Variants in ANKRD17 observed in about 807,000 individuals in gnomAD.
The protein encoded by ANKRD17 is ankyrin repeat domain-containing protein 17.
Under a neutral mutation model 229.7 loss-of-function variants are expected in ANKRD17, and 19 were observed. The observed-to-expected ratio is 0.08, with a 90% CI of 0.06 to 0.12. ANKRD17 has a LOEUF of 0.12. Among genes scored for constraint, ANKRD17 ranks in the 10% least tolerant of loss-of-function variants. The probability of loss-of-function intolerance (pLI) is 1.00; values close to 1 mark genes in which losing one functional copy is unlikely to be tolerated. For synonymous variants in ANKRD17, 1,112 were observed against 1,146.1 expected, an observed-to-expected ratio of 0.97 and a Z score of 0.60; for missense variants, 2,176 against 3,176.8, an observed-to-expected ratio of 0.68 and a Z score of 7.57.
chr4:73,177,412 T>C lies in ANKRD17; in HGVS notation c.515A>G (p.Gln172Arg). ...ADLRTVDPET[Q>R]ARLEALLEAA... is the part of the protein sequence containing the mutation. ...TTCTAGTAAAGCTTCCAGTCTAGCC[T>C]GTGTTTCTGGATCTACTGTCCTGAG... Residue 172 changes from glutamine to arginine, a missense_variant, in exon 2 of 34, where the codon CAG becomes CGG. Gln to Arg is a conservative substitution (Grantham distance 43). Transcript: ENST00000358602. 1 of 1,612,162 alleles carries C rather than the reference T, an allele frequency of 6.2e-7. No individual in the cohort carries two copies. Among genetic ancestry groups the C allele is most frequent in the Non-Finnish European group, 8.5e-7 (1 of 1,178,634 alleles).
rs1328457541 is a variant in ANKRD17 at position 73,097,193 on chromosome 4, G to A, written c.5101C>T (p.Pro1701Ser). ...TKSGPSPLSS[P>S]NGKLTVASPK... ...CTTGCTACTGTTAACTTCCCATTTG[G>A]AGAAGAAAGGGGAGATGGACCAGAT... Residue 1701 changes from proline (P) to serine (S), a missense_variant, in exon 27 of 34, where the codon CCA becomes TCA. By Grantham distance (74) the Pro-to-Ser change is moderately conservative (BLOSUM62 -1). This residue lies in a region of ANKRD17 where 98 missense variants were observed against 101.0 expected (regional missense o/e 0.97). Coordinates refer to ENST00000358602, the MANE Select transcript of ANKRD17 (RefSeq NM_032217.5). 6.2e-7 allele frequency: 1 copy of A among 1,612,260 alleles called. No homozygotes were observed.
chr4:73,229,506 A>C (rs1247220526), intron 1 of ANKRD17, among the ~76,000 whole-genome samples: 1 of 152,044 alleles, frequency 6.6e-6, no homozygotes, highest in Non-Finnish European at 1.5e-5. Flanking sequence ...CACAAATCAA[A>C]GTTACACCTC....
At chr4:73,123,162 T>C (rs982577685) in intron 18 of ANKRD17, among the ~76,000 whole-genome samples, 1 of 152,028 alleles carries the variant, frequency 6.6e-6, no homozygotes, top group African/African-American at 2.4e-5. Flanking sequence ...TACTTTTAAA[T>C]AAAGAAAATC....
chr4:73,132,747 T>C (rs1363639016), intron 16 of ANKRD17, among the ~76,000 whole-genome samples: 2 of 152,152 alleles, frequency 1.3e-5, no homozygotes, highest in African/African-American at 2.4e-5. Context: ...ATGGTGATAG[T>C]TGGTGAGTGG....
At chr4:73,108,415 A>G (rs1315510976) in intron 24 of ANKRD17, among the ~76,000 whole-genome samples, 2 of 152,232 alleles carry the variant, frequency 1.3e-5, no homozygotes, top group African/African-American at 4.8e-5. Context: ...AGGGGGCAGG[A>G]TAAGACCACC....
chr4:73,097,995 CTT>C lies in ANKRD17; in HGVS notation c.5021+76_5021+77del, dbSNP rs1723509868. 1.1e-5 allele frequency: 15 copies of C among 1,399,524 alleles called. 1 individual carries two copies. In the South Asian group the frequency reaches 2.2e-4, roughly 21 times the overall value. The allele number at this position is 1,399,524 out of a possible 1,614,324, so 86.7% of individuals were successfully genotyped here. A position where few individuals can be genotyped will look rare whatever the true frequency, so the allele number is the denominator to read the frequency against. On this transcript the variant is annotated intron_variant, in intron 26 of 33. Transcript: ENST00000358602. ...TCCTATTTTGCAAGTTGCAAATTTACTTTCTTTACCAACAAATTCAGTAATAA... is the reference window on the plus strand; with the variant it reads ...TCCTATTTTGCAAGTTGCAAATTTACTCTTTACCAACAAATTCAGTAATAA...
chr4:73,246,130 G>A (rs1183104104), intron 1 of ANKRD17, among the ~76,000 whole-genome samples: 1 of 152,188 alleles, frequency 6.6e-6, no homozygotes, highest in Non-Finnish European at 1.5e-5. Flanking sequence ...ACAGACAGCA[G>A]TGAAAAGAGC....
At chr4:73,233,323 A>C (rs1271760161) in intron 1 of ANKRD17, among the ~76,000 whole-genome samples, 2 of 152,084 alleles carry the variant, frequency 1.3e-5, no homozygotes, top group African/African-American at 4.8e-5. Flanking sequence ...TATAGATATT[A>C]TTTTTATATT....
intron 25 of ANKRD17, chr4:73,099,213 C>T (rs1275569237): frequency 1.1e-5 from 7 of 610,652 alleles, no homozygotes; most frequent in Admixed American, 8.9e-5. Context: ...TTTTGCTCCG[C>T]TCCCACCGCC....
intron 24 of ANKRD17, 169 bp from the exon 25 acceptor site, chr4:73,102,716 T>C (rs998613162): frequency 9.3e-6 from 6 of 646,530 alleles, no homozygotes; most frequent in African/African-American, 5.8e-5. Context: ...AAAGAGACAA[T>C]ATTTTTACAA....
chr4:73,144,944 A>G, intron 10 of ANKRD17, 112 bp from the exon 11 acceptor site: 2 of 629,126 alleles, frequency 3.2e-6, no homozygotes, highest in East Asian at 6.1e-5. Flanking sequence ...CTAAATATTT[A>G]AATATAATGC....
Position 73,135,182 on chromosome 4 carries a change from G to T in ANKRD17, c.3169C>A (p.Pro1057Thr), listed in dbSNP as rs903315309. 3.1e-6 allele frequency: 5 copies of T among 1,613,712 alleles called. No homozygotes were observed. In the African/African-American group the frequency reaches 6.7e-5, roughly 22 times the overall value. Residue 1057 changes from proline to threonine, a missense_variant, in exon 16 of 34, where the codon CCA becomes ACA. Pro to Thr is a conservative substitution (Grantham distance 38). This residue lies in a region of ANKRD17 where 230 missense variants were observed against 252.3 expected (regional missense o/e 0.91). Transcript: ENST00000358602. ...ASISQPQTPT[P>T]SPIISPSAML... ...GCTGAAGGAGAGATGATAGGACTTGGAGTTGGAGTCTGAGGTTGGGAAATG... is the reference window on the plus strand; with the variant it reads ...GCTGAAGGAGAGATGATAGGACTTGTAGTTGGAGTCTGAGGTTGGGAAATG...
chr4:73,174,218 C>A (rs1197430516), intron 2 of ANKRD17, among the ~76,000 whole-genome samples: 1 of 151,840 alleles, frequency 6.6e-6, no homozygotes, highest in Admixed American at 6.6e-5. Context: ...AACAGCATAG[C>A]AAAAAGATAA....
chr4:73,230,287 G>C (rs1742916899), intron 1 of ANKRD17, among the ~76,000 whole-genome samples: 1 of 151,852 alleles, frequency 6.6e-6, no homozygotes, highest in African/African-American at 2.4e-5. Context: ...TGGTAGGGAG[G>C]GTATGTACTA....
intron 1 of ANKRD17, among the ~76,000 whole-genome samples, chr4:73,253,408 T>C (rs1745197972): frequency 6.6e-6 from 1 of 152,202 alleles, no homozygotes; most frequent in South Asian, 2.1e-4. Context: ...GAAAGAAATA[T>C]AGCAGCACCT....
chr4:73,209,414 G>C (rs1185934327), intron 1 of ANKRD17, among the ~76,000 whole-genome samples: 1 of 152,012 alleles, frequency 6.6e-6, no homozygotes, highest in East Asian at 1.9e-4. Flanking sequence ...GACTGAAATT[G>C]ACAAAGTCCT....
intron 24 of ANKRD17, chr4:73,113,349 A>C (rs1225939339): frequency 7.8e-7 from 1 of 1,289,544 alleles, no homozygotes. Flanking sequence ...ACCCATTTAA[A>C]AAGTGTACTC....
chr4:73,174,407 C>G (rs558278452), intron 2 of ANKRD17, among the ~76,000 whole-genome samples: 5 of 152,006 alleles, frequency 3.3e-5, no homozygotes, highest in Non-Finnish European at 7.4e-5. Flanking sequence ...AAACCTTTAG[C>G]AAAACTGGCA....
chr4:73,092,164 C>T lies in ANKRD17; in HGVS notation c.5464G>A (p.Ala1822Thr). Reference sequence around the variant, plus strand: ...GTGTTAGCAGCAGTGGTGGTAGGTGCTGATGACCCTATTTTGGAATTTGCT... The same window carrying T: ...GTGTTAGCAGCAGTGGTGGTAGGTGTTGATGACCCTATTTTGGAATTTGCT... ...SSANSKIGSS[A>T]PTTTAANTSL... is the part of the protein sequence containing the mutation. Residue 1822 changes from alanine to threonine, a missense_variant, in exon 29 of 34, where the codon GCA becomes ACA. Coordinates refer to ENST00000358602, the MANE Select transcript of ANKRD17 (RefSeq NM_032217.5). 1 of 1,614,148 alleles carries T rather than the reference C, an allele frequency of 6.2e-7. No individual in the cohort carries two copies. Among genetic ancestry groups the T allele is most frequent in the Non-Finnish European group, 8.5e-7 (1 of 1,180,032 alleles).
Sources: allele counts gnomAD v4.1 joint callset (sites outside exome capture counted in the v4.1 genomes callset), GRCh38; gene constraint gnomAD v4.1.1; regional missense constraint gnomAD v4.1.1; transcripts MANE v1.5; gene names NCBI Gene and HGNC (gene_info 2026-07-23, HGNC 2026-07-21).